Variants in KCNMA1 observed in about 807,000 individuals in gnomAD.
KCNMA1 encodes the protein Calcium-activated potassium channel subunit alpha-1.
Under a neutral mutation model 140.0 loss-of-function variants are expected in KCNMA1, and 29 were observed. The ratio of observed to expected loss-of-function variants is 0.21; its 90% CI spans 0.15 to 0.28. The LOEUF is 0.28. Among genes scored for constraint, KCNMA1 ranks in the 10% least tolerant of loss-of-function variants. KCNMA1 has a pLI of 1.00. For missense variants in KCNMA1, 880 were observed against 1,602.2 expected (o/e 0.55, Z 7.70); for synonymous variants, 612 against 611.9 (o/e 1.00, Z 0.00).
downstream of KCNMA1, among the ~76,000 whole-genome samples, chr10:76,882,080 T>G (rs895548888): frequency 6.6e-6 from 1 of 152,166 alleles, no homozygotes; most frequent in African/African-American, 2.4e-5. Context: ...GAATGGGCTC[T>G]TGCAGGGAAG....
chr10:77,175,586 C>T (rs987132429), intron 5 of KCNMA1, among the ~76,000 whole-genome samples: 12 of 152,144 alleles, frequency 7.9e-5, no homozygotes, highest in African/African-American at 2.4e-4. Flanking sequence ...AAGCAGGCTG[C>T]GTATGGTGCT....
chr10:77,309,874 C>A (rs550716850), intron 2 of KCNMA1, among the ~76,000 whole-genome samples: 40 of 152,280 alleles, frequency 2.6e-4, no homozygotes, highest in African/African-American at 8.9e-4. Context: ...CTATAATTTG[C>A]AGGTTGAATG....
rs1026036084 is a variant in KCNMA1, at chr10:77,621,683, CT to C, written c.378+15581del. Among the ~76,000 whole-genome samples the C allele has an allele frequency of 6.0e-4, 92 of 152,262 alleles. 2 individuals carry two copies. Among genetic ancestry groups the C allele is most frequent in the South Asian group, 4.1e-3 (20 of 4,826 alleles). On this transcript the variant is annotated intron_variant, in intron 1 of 27. Coordinates refer to ENST00000286628, the MANE Select transcript of KCNMA1 (RefSeq NM_001161352.2). The stretch of plus-strand genomic sequence containing the variant: ...GTGGCTCACGCCTGTAATTCCAGCA[CT>C]TTGGGGGCCGAGGCAGGTGGACCAC...
chr10:77,586,243 A>T (rs1389367960), intron 1 of KCNMA1: 1 of 152,170 alleles, frequency 6.6e-6, no homozygotes, highest in African/African-American at 2.4e-5. Context: ...TCACATGGTC[A>T]CTCTACTGAG....
At chr10:77,193,839 T>C (rs1039415774) in intron 3 of KCNMA1, among the ~76,000 whole-genome samples, 4 of 152,150 alleles carry the variant, frequency 2.6e-5, no homozygotes, top group Admixed American at 2.6e-4. Context: ...TAGACACAAA[T>C]GCTGGCATGG....
chr10:77,636,470 A>G, intron 1 of KCNMA1: 1 of 1,536,196 alleles, frequency 6.5e-7, no homozygotes, highest in Non-Finnish European at 8.7e-7. Flanking sequence ...CTCCCGCTCC[A>G]GCTCCGCGCT....
chr10:77,258,690 C>T (rs550468230), intron 2 of KCNMA1, among the ~76,000 whole-genome samples: 9 of 152,222 alleles, frequency 5.9e-5, no homozygotes, highest in South Asian at 2.1e-4. Context: ...AGGCCAGGTG[C>T]GGTGGCTCAT....
chr10:77,500,499 C>T (rs182951242), intron 1 of KCNMA1, among the ~76,000 whole-genome samples: 3 of 152,166 alleles, frequency 2.0e-5, no homozygotes, highest in East Asian at 1.9e-4. Flanking sequence ...CTGTAAAAAG[C>T]AAGCTAAGGA....
At chr10:77,352,843 T>C (rs1264848545) in intron 2 of KCNMA1, among the ~76,000 whole-genome samples, 3 of 152,288 alleles carry the variant, frequency 2.0e-5, no homozygotes, top group South Asian at 4.1e-4. Flanking sequence ...GATATGAAGA[T>C]AGAGAAGCAA....
At chr10:76,873,341 A>T (rs2031744527), downstream of KCNMA1, 1 of 152,204 alleles carries the variant, frequency 6.6e-6, no homozygotes, top group Non-Finnish European at 1.5e-5. Flanking sequence ...AATCATTTAT[A>T]ATTACTACTG....
intron 3 of KCNMA1, among the ~76,000 whole-genome samples, chr10:77,187,224 C>T (rs1331696860): frequency 1.3e-5 from 2 of 152,098 alleles, no homozygotes; most frequent in Admixed American, 6.6e-5. Flanking sequence ...GAGCTGAATG[C>T]CACAGAGGAT....
chr10:76,988,471 T>C (rs2081888774), intron 19 of KCNMA1, among the ~76,000 whole-genome samples: 1 of 152,008 alleles, frequency 6.6e-6, no homozygotes, highest in Non-Finnish European at 1.5e-5. Context: ...AAGGCTGCAG[T>C]GAACTATGAT....
chr10:77,024,097 C>T (rs896338780), intron 16 of KCNMA1, among the ~76,000 whole-genome samples: 1 of 152,128 alleles, frequency 6.6e-6, no homozygotes, highest in Non-Finnish European at 1.5e-5. Context: ...AAGGATAATG[C>T]TGGATATTTG....
intron 3 of KCNMA1, among the ~76,000 whole-genome samples, chr10:77,225,272 A>G (rs912112315): frequency 6.6e-6 from 1 of 152,154 alleles, no homozygotes; most frequent in African/African-American, 2.4e-5. Flanking sequence ...AAGCTCACCA[A>G]CTGGGTTGTC....
At chr10:77,423,166 C>A (rs1300146474) in intron 1 of KCNMA1, among the ~76,000 whole-genome samples, 1 of 152,126 alleles carries the variant, frequency 6.6e-6, no homozygotes, top group Non-Finnish European at 1.5e-5. Flanking sequence ...TTTGTTGGAT[C>A]CATGCCTTAG....
intron 1 of KCNMA1, among the ~76,000 whole-genome samples, chr10:77,408,563 T>C (rs916894170): frequency 2.6e-5 from 4 of 152,162 alleles, no homozygotes; most frequent in African/African-American, 9.7e-5. Context: ...TGTGTGTCTG[T>C]GTGTGTAAGG....
intron 2 of KCNMA1, among the ~76,000 whole-genome samples, chr10:77,290,262 G>A (rs1296419003): frequency 1.3e-5 from 2 of 152,174 alleles, no homozygotes; most frequent in Non-Finnish European, 2.9e-5. Flanking sequence ...TTCATATTTA[G>A]AGCACTATTG....
chr10:76,994,959 A>C (rs1050481892), intron 19 of KCNMA1, among the ~76,000 whole-genome samples: 1 of 152,196 alleles, frequency 6.6e-6, no homozygotes, highest in Non-Finnish European at 1.5e-5. Context: ...ATGGGGAAGG[A>C]AGGCAGGATG....
intron 1 of KCNMA1, among the ~76,000 whole-genome samples, chr10:77,464,028 T>C (rs1194324339): frequency 1.3e-5 from 2 of 152,032 alleles, no homozygotes; most frequent in Non-Finnish European, 2.9e-5. Context: ...ACCCTAGACC[T>C]CCCGAATATA....
Sources: gnomAD v4.1 joint callset for allele counts (sites outside exome capture counted in the v4.1 genomes callset) on GRCh38, gnomAD v4.1.1 for gene constraint, MANE v1.5 for transcripts, NCBI Gene and HGNC (gene_info 2026-07-23, HGNC 2026-07-21) for gene names.